Variants in ROCK1 observed in about 807,000 individuals in gnomAD.
The protein encoded by ROCK1 is rho-associated protein kinase 1.
In ROCK1, 36 loss-of-function variants were observed where a neutral mutation model predicts 196.8. That is an observed-to-expected ratio of 0.18 (90% CI 0.14 to 0.24). The LOEUF (loss-of-function observed/expected upper bound fraction) is 0.24. ROCK1 is among the 10% of genes least tolerant of loss of function. The probability of loss-of-function intolerance (pLI) is 1.00; values close to 1 mark genes in which losing one functional copy is unlikely to be tolerated. For missense variants in ROCK1, 920 were observed against 1,562.0 expected, an observed-to-expected ratio of 0.59 and a Z score of 6.93; for synonymous variants, 443 against 515.9, an observed-to-expected ratio of 0.86 and a Z score of 1.91.
intron 4 of ROCK1, among the ~76,000 whole-genome samples, chr18:21,047,797 C>CAA (rs1302580439): frequency 3.8e-5 from 4 of 105,898 alleles, no homozygotes; most frequent in African/African-American, 3.5e-5. Flanking sequence ...GACTCCGTCT[C>CAA]AAAAAAAAAA....
rs192639307 is a variant in ROCK1 at position 21,019,671 on chromosome 18, G to A, written c.1361+480C>T. 9.5e-3 allele frequency among the ~76,000 whole-genome samples: 1,439 copies of A among 151,738 alleles called. 15 individuals carry two copies. The highest frequency in any genetic ancestry group is 0.033 in the African/African-American group (1,363 of 41,368). The stretch of plus-strand genomic sequence containing the variant: ...AAATTAGCCAGGTGTGGTGGCGGGC[G>A]CCTGTAGGCCCAGCTACTCGGGAGG... On this transcript the variant is annotated intron_variant, in intron 12 of 32. Transcript: ENST00000399799.
Position 20,969,216 on chromosome 18 carries a change from A to C in ROCK1, c.2821-8T>G. The stretch of plus-strand genomic sequence containing the variant: ...GCTGTTTGCTTCTTCAAGCTAAACA[A>C]AGCACACAAAAGTTTAAGCTCCAGC... On this transcript the variant is annotated splice_polypyrimidine_tract_variant and splice_region_variant and intron_variant, in intron 23 of 32. Transcript: ENST00000399799. The C allele has an allele frequency of 6.4e-7, 1 of 1,557,184 alleles. No homozygotes were observed. Among genetic ancestry groups the C allele is most frequent in the Non-Finnish European group, 8.8e-7 (1 of 1,139,660 alleles).
intron 2 of ROCK1, among the ~76,000 whole-genome samples, chr18:21,058,634 G>A (rs1229187791): frequency 1.3e-5 from 2 of 152,116 alleles, no homozygotes; most frequent in Non-Finnish European, 1.5e-5. Flanking sequence ...AGGGTCTCAC[G>A]CTGTCATGCA....
chr18:21,100,344 T>C (rs1182923340), intron 1 of ROCK1, among the ~76,000 whole-genome samples: 1 of 151,658 alleles, frequency 6.6e-6, no homozygotes, highest in African/African-American at 2.4e-5. Context: ...GAATGGCTGA[T>C]TTCCAAGTCT....
chr18:21,026,566 A>G (rs1391458024), intron 10 of ROCK1, among the ~76,000 whole-genome samples: 2 of 152,158 alleles, frequency 1.3e-5, no homozygotes, highest in Non-Finnish European at 1.5e-5. Flanking sequence ...TAGGGAGGAA[A>G]AAAAGATAAG....
chr18:20,998,506 A>ATT (rs1252982878), intron 16 of ROCK1, among the ~76,000 whole-genome samples: 1 of 152,242 alleles, frequency 6.6e-6, no homozygotes, highest in African/African-American at 2.4e-5. Context: ...AAACAGACAA[A>ATT]TAACAAGTAA....
chr18:21,003,887 C>T (rs1300088231), intron 16 of ROCK1, among the ~76,000 whole-genome samples: 1 of 152,006 alleles, frequency 6.6e-6, no homozygotes, highest in Non-Finnish European at 1.5e-5. Flanking sequence ...ATCTGAAGCA[C>T]TTCTGGTTCC....
intron 13 of ROCK1, among the ~76,000 whole-genome samples, chr18:21,009,708 C>A (rs1430123379): frequency 6.6e-6 from 1 of 152,094 alleles, no homozygotes; most frequent in African/African-American, 2.4e-5. Flanking sequence ...CATATCCTTG[C>A]CAGTTTGCTA....
chr18:21,049,310 C>A, intron 3 of ROCK1, 81 bp from the exon 4 acceptor site: 1 of 1,039,812 alleles, frequency 9.6e-7, no homozygotes, highest in Non-Finnish European at 1.3e-6. Context: ...TTACTAAGTG[C>A]TTTTAATACT....
In ROCK1 at chr18:20,950,688, C is replaced by CA. The variant is rs1056449512; in HGVS notation, c.*695dup. ...AGTAAAATAACTCAATATGGCTTGGCAAAAATGCATAGATTAAATGTAACT... is the reference window on the plus strand; with the variant it reads ...AGTAAAATAACTCAATATGGCTTGGCAAAAAATGCATAGATTAAATGTAACT... On this transcript the variant is annotated 3_prime_UTR_variant, in exon 33 of 33. Coordinates refer to ENST00000399799, the MANE Select transcript of ROCK1 (RefSeq NM_005406.3). 2 of 152,370 alleles carry CA rather than the reference C, an allele frequency of 1.3e-5. No homozygotes were observed. The highest frequency in any genetic ancestry group is 2.4e-5 in the African/African-American group (1 of 41,358). 9.4% of individuals were successfully genotyped at this position (152,370 alleles called of 1,614,324 possible).
chr18:21,096,829 G>C (rs541640601), intron 1 of ROCK1, among the ~76,000 whole-genome samples: 26 of 152,244 alleles, frequency 1.7e-4, no homozygotes, highest in Admixed American at 5.2e-4. Flanking sequence ...CTGATGTCTA[G>C]AATTATGCTT....
intron 25 of ROCK1, 33 bp downstream of exon 25, chr18:20,968,739 T>C: frequency 7.8e-7 from 1 of 1,280,668 alleles, no homozygotes. Flanking sequence ...AACTCAAAAA[T>C]GAACATGTGG....
At chr18:21,105,795 AAAAAT>A in intron 1 of ROCK1, among the ~76,000 whole-genome samples, 1 of 152,242 alleles carries the variant, frequency 6.6e-6, no homozygotes, top group East Asian at 1.9e-4. Context: ...ACAAAAGACT[AAAAAT>A]AAAGATTTGG....
At chr18:20,958,931 ATT>A (rs1267930111) in intron 29 of ROCK1, among the ~76,000 whole-genome samples, 5 of 92,468 alleles carry the variant, frequency 5.4e-5, no homozygotes, top group East Asian at 2.9e-4. Flanking sequence ...TTATATATAT[ATT>A]ATATAAAAAA....
chr18:21,103,942 T>C (rs190986935), intron 1 of ROCK1, among the ~76,000 whole-genome samples: 22 of 152,350 alleles, frequency 1.4e-4, no homozygotes, highest in Non-Finnish European at 2.1e-4. Context: ...TTAAGAATAC[T>C]TTCCATTGTG....
intron 21 of ROCK1, 41 bp from the exon 22 acceptor site, chr18:20,980,045 G>A (rs2035516489): frequency 3.0e-5 from 44 of 1,452,134 alleles, no homozygotes; most frequent in South Asian, 1.8e-4. Flanking sequence ...GTTTATGGTG[G>A]GTTAAAAACA....
Position 21,110,946 on chromosome 18 carries a change from C to T in ROCK1, c.-36G>A. On this transcript the variant is annotated 5_prime_UTR_variant, in exon 1 of 33. It adds an upstream start codon to the 5' untranslated region. Coordinates refer to ENST00000399799, the MANE Select transcript of ROCK1 (RefSeq NM_005406.3). ...CTGTGACAATGCCCTCTTACCAGCA[C>T]CAGCAGCGGAAAGCAATTTCAACCA... The T allele has an allele frequency of 1.3e-6, 2 of 1,549,476 alleles. No homozygotes were observed. The highest frequency in any genetic ancestry group is 1.8e-6 in the Non-Finnish European group (2 of 1,122,554).
At chr18:21,006,833 A>G in intron 14 of ROCK1, 43 bp from the exon 15 acceptor site, 2 of 1,270,788 alleles carry the variant, frequency 1.6e-6, no homozygotes, top group Non-Finnish European at 2.2e-6. Flanking sequence ...CAACATTTTC[A>G]TAGGGGAAAC....
rs2035772692 is a variant in ROCK1, at chr18:21,006,785, T to C, written c.1552A>G (p.Thr518Ala). The C allele has an allele frequency of 1.3e-6, 2 of 1,551,820 alleles. No individual in the cohort carries two copies. Among genetic ancestry groups the C allele is most frequent in the Admixed American group, 1.9e-5 (1 of 51,542 alleles). ...KRRNVENEVS[T>A]LKDQLEDLKK... ...AAGTCTTCCAACTGATCCTTTAATG[T>C]AGAAACTAGAAAATGAAAGAATAAT... Residue 518 changes from threonine to alanine, a missense_variant, in exon 15 of 33, where the codon ACA becomes GCA. Around this residue, in one of 6 missense-constraint regions of ROCK1, gnomAD observed 520 missense variants for 657.1 expected, o/e 0.79. Coordinates refer to ENST00000399799, the MANE Select transcript of ROCK1 (RefSeq NM_005406.3).
Sources: gnomAD v4.1 joint callset for allele counts (sites outside exome capture counted in the v4.1 genomes callset) on GRCh38, gnomAD v4.1.1 for gene constraint, gnomAD v4.1.1 regional missense constraint, MANE v1.5 for transcripts, NCBI Gene and HGNC (gene_info 2026-07-23, HGNC 2026-07-21) for gene names.